Variants in BPGM observed in about 807,000 individuals in gnomAD.
BPGM encodes the protein bisphosphoglycerate mutase.
A neutral mutation model predicts 21.6 loss-of-function variants in BPGM; 15 were observed. The observed-to-expected ratio is 0.70, with a 90% CI of 0.47 to 1.07. BPGM has a LOEUF of 1.07. Among genes scored for constraint, BPGM ranks in the 50% least tolerant of loss-of-function variants. The pLI is 0.00. For synonymous variants in BPGM, 113 were observed against 116.2 expected (o/e 0.97, Z 0.18); for missense variants, 273 against 319.0 (o/e 0.86, Z 1.10).
chr7:134,661,501 C>T lies in BPGM; in HGVS notation c.-7C>T. ...TTTGAAAACGCCTGGGAAGTTCAGC[C>T]ATCAGTATGTCCAAGTACAAACTTA... is the stretch of plus-strand genomic sequence containing the variant. On this transcript the variant is annotated 5_prime_UTR_variant, in exon 2 of 3. Coordinates refer to ENST00000344924, the MANE Select transcript of BPGM (RefSeq NM_001724.5). The surrounding 1 kb of genome is among the most constrained non-coding windows in gnomAD (Gnocchi z 4.6). The T allele has an allele frequency of 6.2e-7, 1 of 1,614,078 alleles. No individual in the cohort carries two copies. The highest frequency in any genetic ancestry group is 8.5e-7 in the Non-Finnish European group (1 of 1,179,984).
chr7:134,671,518 C>T (rs1381627609), intron 2 of BPGM, among the ~76,000 whole-genome samples: 6 of 151,972 alleles, frequency 3.9e-5, no homozygotes, highest in African/African-American at 7.3e-5. Flanking sequence ...CCCGCCACCA[C>T]GCCCGGCTAA....
Position 134,679,595 on chromosome 7 carries a change from A to C in BPGM, c.*564A>C, listed in dbSNP as rs1158550481. The C allele has an allele frequency of 6.5e-6, 1 of 153,142 alleles. No homozygotes were observed. Among genetic ancestry groups the C allele is most frequent in the African/African-American group, 2.4e-5 (1 of 41,446 alleles). 9.5% of individuals were successfully genotyped at this position (153,142 alleles called of 1,614,324 possible). ...CAACAACCACCACCACAATGACAGA[A>C]ATGACAACAAGGCCCTTTAACTTGT... On this transcript the variant is annotated 3_prime_UTR_variant, in exon 3 of 3. Coordinates refer to ENST00000344924, the MANE Select transcript of BPGM (RefSeq NM_001724.5).
At chr7:134,663,079 T>A (rs1240405829) in intron 2 of BPGM, among the ~76,000 whole-genome samples, 1 of 152,228 alleles carries the variant, frequency 6.6e-6, no homozygotes, top group East Asian at 1.9e-4. Context: ...GTTAGCTTAC[T>A]GGTAATAAAT....
At chr7:134,653,803 T>C (rs941578013) in intron 1 of BPGM, among the ~76,000 whole-genome samples, 34 of 152,196 alleles carry the variant, frequency 2.2e-4, no homozygotes, top group Non-Finnish European at 8.8e-5. Flanking sequence ...TCTTGAACCA[T>C]AACTTCAATT....
At chr7:134,677,459 T>TTAGGGAGCTCTTC (rs1469883667) in intron 2 of BPGM, among the ~76,000 whole-genome samples, 1 of 152,164 alleles carries the variant, frequency 6.6e-6, no homozygotes. Flanking sequence ...ATAAGAGTTA[T>TTAGGGAGCTCTTC]TAGGGAGCTC....
chr7:134,665,906 C>T (rs1003939563), intron 2 of BPGM, among the ~76,000 whole-genome samples: 1 of 150,670 alleles, frequency 6.6e-6, no homozygotes, highest in Non-Finnish European at 1.5e-5. Flanking sequence ...TAGACAAAGT[C>T]TCGCTGTGTT....
intron 2 of BPGM, among the ~76,000 whole-genome samples, chr7:134,671,358 T>G (rs1357646852): frequency 6.8e-6 from 1 of 146,852 alleles, no homozygotes; most frequent in Non-Finnish European, 1.5e-5. Context: ...AATTAACATT[T>G]TGTTCTTTTT....
intron 2 of BPGM, among the ~76,000 whole-genome samples, chr7:134,667,729 G>A (rs1482320760): frequency 6.6e-6 from 1 of 152,166 alleles, no homozygotes; most frequent in African/African-American, 2.4e-5. Flanking sequence ...GCTTTCTAGA[G>A]ATGTTTATGT....
chr7:134,659,066 T>G (rs1234269071), intron 1 of BPGM, among the ~76,000 whole-genome samples: 1 of 152,164 alleles, frequency 6.6e-6, no homozygotes, highest in Non-Finnish European at 1.5e-5. Context: ...AAGGTGCTTC[T>G]GTCTACAAAA....
At chr7:134,659,792 G>A (rs772935983) in intron 1 of BPGM, among the ~76,000 whole-genome samples, 3 of 152,142 alleles carry the variant, frequency 2.0e-5, no homozygotes, top group African/African-American at 7.2e-5. Context: ...AGCATGGATC[G>A]TGTAAATGAT....
chr7:134,654,312 T>G (rs1183554429), intron 1 of BPGM, among the ~76,000 whole-genome samples: 1 of 152,206 alleles, frequency 6.6e-6, no homozygotes, highest in Non-Finnish European at 1.5e-5. Context: ...TCCATTTTAA[T>G]GTGATTAAAG....
chr7:134,666,097 C>G (rs1275687734), intron 2 of BPGM, among the ~76,000 whole-genome samples: 1 of 151,986 alleles, frequency 6.6e-6, no homozygotes, highest in Non-Finnish European at 1.5e-5. Context: ...CCAGGCAGGT[C>G]TCGAACTCCT....
intron 1 of BPGM, among the ~76,000 whole-genome samples, chr7:134,648,260 C>G (rs74694814): frequency 1.3e-5 from 2 of 151,638 alleles, no homozygotes; most frequent in African/African-American, 4.9e-5. Context: ...CTCAGCCTCC[C>G]GAGTAGCTGG....
intron 2 of BPGM, among the ~76,000 whole-genome samples, chr7:134,668,599 A>G (rs1795854671): frequency 6.6e-6 from 1 of 152,196 alleles, no homozygotes; most frequent in South Asian, 2.1e-4. Flanking sequence ...TTATGTAGGA[A>G]CTAGAACATG....
Position 134,650,632 on chromosome 7 carries a change from A to G in BPGM, c.-62+3695A>G, listed in dbSNP as rs150020640. On this transcript the variant is annotated intron_variant, in intron 1 of 2. Transcript: ENST00000344924. The stretch of plus-strand genomic sequence containing the variant: ...GGAAGGCATAGTTTGTTAAGACATT[A>G]AAAGCCTTGGCCGAGCACGGTGGCT... Among the ~76,000 whole-genome samples the G allele has an allele frequency of 2.2e-3, 336 of 152,342 alleles. 2 individuals carry two copies. Among genetic ancestry groups the G allele is most frequent in the African/African-American group, 7.7e-3 (322 of 41,584 alleles).
intron 2 of BPGM, among the ~76,000 whole-genome samples, chr7:134,671,689 A>G (rs994265862): frequency 1.3e-5 from 2 of 152,162 alleles, no homozygotes; most frequent in African/African-American, 4.8e-5. Context: ...TATAGCCTTT[A>G]GTTATATGTA....
chr7:134,664,872 GAAATACCCA>G, intron 2 of BPGM, among the ~76,000 whole-genome samples: 1 of 152,312 alleles, frequency 6.6e-6, no homozygotes, highest in South Asian at 2.1e-4. Context: ...TCATTTATAT[GAAATACCCA>G]GAATAGGCAA....
intron 1 of BPGM, chr7:134,647,287 G>C (rs1214058995): frequency 6.6e-6 from 1 of 152,268 alleles, no homozygotes; most frequent in Non-Finnish European, 1.5e-5. Context: ...CCTTCCAATA[G>C]TAAGATCCCC....
intron 1 of BPGM, among the ~76,000 whole-genome samples, chr7:134,647,955 G>A (rs577125341): frequency 6.6e-6 from 1 of 151,598 alleles, no homozygotes; most frequent in Non-Finnish European, 1.5e-5. Context: ...AGGCCACCAC[G>A]CCTGGCTGAT....
Sources: gnomAD v4.1 joint callset for allele counts (sites outside exome capture counted in the v4.1 genomes callset) on GRCh38, gnomAD v4.1.1 for gene constraint, Gnocchi (gnomAD v3.1) non-coding constraint, MANE v1.5 for transcripts, NCBI Gene and HGNC (gene_info 2026-07-23, HGNC 2026-07-21) for gene names.